ASIC2: variants seen among roughly 807,000 people sequenced by gnomAD.
ASIC2 encodes acid-sensing ion channel 2.
ASIC2 carries 25 observed loss-of-function variants against 57.3 expected under a neutral mutation model. The observed-to-expected ratio is 0.44, with a 90% CI of 0.32 to 0.61. The LOEUF (loss-of-function observed/expected upper bound fraction) is 0.61. ASIC2 is among the 20% of genes least tolerant of loss of function. The probability of loss-of-function intolerance (pLI) is 0.06; values close to 1 mark genes in which losing one functional copy is unlikely to be tolerated. For missense variants in ASIC2, 641 were observed against 738.1 expected, an observed-to-expected ratio of 0.87 and a Z score of 1.52; for synonymous variants, 319 against 307.5, an observed-to-expected ratio of 1.04 and a Z score of -0.39.
At chr17:33,946,886 G>A (rs901374922) in intron 1 of ASIC2, among the ~76,000 whole-genome samples, 6 of 152,206 alleles carry the variant, frequency 3.9e-5, no homozygotes, top group African/African-American at 1.4e-4. Context: ...GAAGGATGCA[G>A]GAGGATGTTA....
intron 1 of ASIC2, among the ~76,000 whole-genome samples, chr17:33,945,432 A>G (rs908713339): frequency 1.5e-4 from 23 of 152,166 alleles, no homozygotes; most frequent in African/African-American, 5.6e-4. Context: ...TTTAGCAGAA[A>G]ATAAGTTTGG....
rs1909002244 is a variant in ASIC2, at chr17:33,710,676, T to C, written c.555+445302A>G. Among the ~76,000 whole-genome samples, 4 of 152,324 alleles carry C rather than the reference T, an allele frequency of 2.6e-5. No individual in the cohort carries two copies. The South Asian group carries it at 8.3e-4, about 32-fold the overall frequency. ...GGTGAAGAGGCCCTTAAAGATTATA[T>C]AAACTAATCATCTGATTTTACAAAT... On this transcript the variant is annotated intron_variant, in intron 1 of 9. Transcript: ENST00000359872.
chr17:34,004,819 T>C (rs1488730542), intron 1 of ASIC2: 3 of 150,004 alleles, frequency 2.0e-5, no homozygotes, highest in Non-Finnish European at 4.4e-5. Flanking sequence ...AGTGCATTTC[T>C]GCACACAAGA....
chr17:34,049,423 G>A (rs534612528), intron 1 of ASIC2, among the ~76,000 whole-genome samples: 13 of 152,216 alleles, frequency 8.5e-5, no homozygotes, highest in Admixed American at 1.3e-4. Flanking sequence ...GTCTTGTCCC[G>A]TTCCAGGAAC....
chr17:34,138,745 G>A (rs1912191009), intron 1 of ASIC2, among the ~76,000 whole-genome samples: 1 of 152,176 alleles, frequency 6.6e-6, no homozygotes. Flanking sequence ...GCTGAGTGGA[G>A]TCCTACCAAC....
intron 8 of ASIC2, among the ~76,000 whole-genome samples, chr17:33,016,727 C>T (rs1170141021): frequency 2.0e-5 from 3 of 152,030 alleles, no homozygotes; most frequent in African/African-American, 4.8e-5. Context: ...CAGCCCCCTC[C>T]GAGAGACAGA....
intron 1 of ASIC2, among the ~76,000 whole-genome samples, chr17:33,384,492 G>A (rs1909603964): frequency 6.6e-6 from 1 of 152,072 alleles, no homozygotes; most frequent in South Asian, 2.1e-4. Context: ...CAACTTCCAG[G>A]TGCCATCCAC....
intron 1 of ASIC2, among the ~76,000 whole-genome samples, chr17:33,577,593 T>C (rs1052391564): frequency 2.6e-5 from 4 of 152,162 alleles, no homozygotes; most frequent in African/African-American, 9.7e-5. Flanking sequence ...AATATGGCCC[T>C]GGAATGAGCA....
chr17:33,386,747 G>A (rs1184368146), intron 1 of ASIC2, among the ~76,000 whole-genome samples: 1 of 152,090 alleles, frequency 6.6e-6, no homozygotes, highest in African/African-American at 2.4e-5. Flanking sequence ...TGGAAAGAGT[G>A]GCCCCTTCTG....
intron 1 of ASIC2, among the ~76,000 whole-genome samples, chr17:33,443,211 G>A (rs916237183): frequency 6.6e-6 from 1 of 152,092 alleles, no homozygotes; most frequent in African/African-American, 2.4e-5. Flanking sequence ...TTGGTCTGCA[G>A]GTTTCCTTGC....
At position 33,636,226 on chromosome 17, in the gene ASIC2, C is replaced by T. The variant is rs892440320; in HGVS notation, c.555+519752G>A. On this transcript the variant is annotated intron_variant, in intron 1 of 9. Coordinates refer to the ASIC2 transcript ENST00000359872. Reference sequence around the variant, plus strand: ...ACAGGGAAAGGTGTCAAAATATTAACGGGTCATGGTAGAGTTTCATGTTTT... The same window carrying T: ...ACAGGGAAAGGTGTCAAAATATTAATGGGTCATGGTAGAGTTTCATGTTTT... 1.4e-4 allele frequency among the ~76,000 whole-genome samples: 21 copies of T among 152,044 alleles called. No individual in the cohort carries two copies. The East Asian group carries it at 1.5e-3, about 11-fold the overall frequency.
chr17:33,260,135 C>A (rs1001335160), intron 1 of ASIC2, among the ~76,000 whole-genome samples: 1 of 152,112 alleles, frequency 6.6e-6, no homozygotes, highest in African/African-American at 2.4e-5. Flanking sequence ...TGAGACCCTG[C>A]CTCTAAAAAA....
chr17:33,028,162 G>C, intron 4 of ASIC2, 80 bp downstream of exon 4: 1 of 1,531,822 alleles, frequency 6.5e-7, no homozygotes, highest in Non-Finnish European at 8.9e-7. Context: ...TGGGTGAAGT[G>C]TTTCCCATTA....
chr17:33,128,918 T>C (rs550267153), intron 1 of ASIC2, among the ~76,000 whole-genome samples: 1 of 152,196 alleles, frequency 6.6e-6, no homozygotes, highest in African/African-American at 2.4e-5. Context: ...AGTGAATACG[T>C]CCATATATTT....
intron 1 of ASIC2, among the ~76,000 whole-genome samples, chr17:33,756,182 C>T (rs1597863464): frequency 6.6e-6 from 1 of 152,348 alleles, no homozygotes; most frequent in Non-Finnish European, 1.5e-5. Context: ...AGCCAGGGCA[C>T]CTGACCACAG....
intron 1 of ASIC2, among the ~76,000 whole-genome samples, chr17:33,633,928 C>T (rs1906260182): frequency 6.6e-6 from 1 of 152,212 alleles, no homozygotes; most frequent in South Asian, 2.1e-4. Context: ...GAGCTAGGGG[C>T]TTCCAGAGGC....
At chr17:33,410,549 A>G (rs1910621834) in intron 1 of ASIC2, among the ~76,000 whole-genome samples, 1 of 152,186 alleles carries the variant, frequency 6.6e-6, no homozygotes, top group Admixed American at 6.5e-5. Context: ...CCTCAGCCCC[A>G]TGCCTGTGGC....
intron 1 of ASIC2, chr17:33,623,533 C>T (rs1209074087): frequency 6.6e-6 from 1 of 152,042 alleles, no homozygotes; most frequent in Non-Finnish European, 1.5e-5. Flanking sequence ...TCCCAAAGTG[C>T]TGAGATTACA....
intron 1 of ASIC2, among the ~76,000 whole-genome samples, chr17:33,730,361 T>C (rs117860378): frequency 2.0e-5 from 3 of 152,198 alleles, no homozygotes; most frequent in African/African-American, 4.8e-5. Context: ...GTCTCACTAA[T>C]GAGGACTAAT....
Sources: allele counts gnomAD v4.1 joint callset (sites outside exome capture counted in the v4.1 genomes callset), GRCh38; gene constraint gnomAD v4.1.1; transcripts MANE v1.5; gene names NCBI Gene and HGNC (gene_info 2026-07-23, HGNC 2026-07-21).